Variants in ABCB9 observed in about 807,000 individuals in gnomAD.
The protein encoded by ABCB9 is ABC-type oligopeptide transporter ABCB9.
A neutral mutation model predicts 62.0 loss-of-function variants in ABCB9; 36 were observed. That is an observed-to-expected ratio of 0.58 (90% CI 0.45 to 0.77). ABCB9 has a LOEUF of 0.77. ABCB9 is among the 30% of genes least tolerant of loss of function. The pLI is 0.00. For missense variants in ABCB9, 943 were observed against 1,054.7 expected, an observed-to-expected ratio of 0.89 and a Z score of 1.47; for synonymous variants, 435 against 461.4, an observed-to-expected ratio of 0.94 and a Z score of 0.73.
chr12:122,939,347 A>G (rs150373143), intron 9 of ABCB9: 3 of 152,376 alleles, frequency 2.0e-5, no homozygotes, highest in Non-Finnish European at 4.4e-5. Context: ...TAATCCACAC[A>G]CCAATCACGA....
At chr12:122,924,343 T>A (rs2034830631), downstream of ABCB9, among the ~76,000 whole-genome samples, 1 of 152,214 alleles carries the variant, frequency 6.6e-6, no homozygotes, top group Non-Finnish European at 1.5e-5. Context: ...TTACGGCATA[T>A]CGAAGAGTTC....
At chr12:122,948,896 T>G in intron 4 of ABCB9, 67 bp from the exon 5 acceptor site, 61 of 1,315,744 alleles carry the variant, frequency 4.6e-5, no homozygotes, top group Non-Finnish European at 5.2e-5. Context: ...TGGGGGATGC[T>G]AAGGGGCCTC....
At chr12:122,939,934 G>A (rs1233512432) in intron 9 of ABCB9, 177 bp downstream of exon 9, 2 of 892,536 alleles carry the variant, frequency 2.2e-6, no homozygotes, top group Admixed American at 3.2e-5. Flanking sequence ...TTACAGGTGT[G>A]AGCCACCACG....
rs138175647 is a variant in ABCB9 at position 122,930,069 on chromosome 12, T to C, written c.2143A>G (p.Lys715Glu). 1.1e-3 allele frequency: 1,755 copies of C among 1,566,870 alleles called. No homozygotes were observed. Among genetic ancestry groups the C allele is most frequent in the Non-Finnish European group, 1.4e-3 (1,671 of 1,156,168 alleles). ...EHAHLIVVLD[K>E]GRVVQQGTHQ... ...GTGCCCTGCTGCACTACGCGGCCCTTGTCCAGCACCACAATGAGGTGCGCG... is the reference window on the plus strand; with the variant it reads ...GTGCCCTGCTGCACTACGCGGCCCTCGTCCAGCACCACAATGAGGTGCGCG... The change falls in exon 12 of 12, where the codon AAG (lysine) becomes GAG (glutamate). Residue 715 changes from lysine to glutamate, a missense_variant. Coordinates refer to ENST00000280560, the MANE Select transcript of ABCB9 (RefSeq NM_019625.4). The surrounding 1 kb of genome is among the most constrained non-coding windows in gnomAD (Gnocchi z 4.9).
At chr12:122,922,042 C>T (rs1217597498) in intron 11 of ABCB9, among the ~76,000 whole-genome samples, 2 of 151,978 alleles carry the variant, frequency 1.3e-5, no homozygotes, top group Admixed American at 6.6e-5. Context: ...GACGCCCGGC[C>T]GGCCGCTCAG....
Position 122,930,267 on chromosome 12 carries a change from T to C in ABCB9, c.2041-96A>G, listed in dbSNP as rs142259412. The stretch of plus-strand genomic sequence containing the variant: ...CCTATGGGCTGATGCTTAACCTCTC[T>C]GAGGCTCAGTTCACAAACGATGGCC... On this transcript the variant is annotated intron_variant, in intron 11 of 11. Coordinates refer to ENST00000280560, the MANE Select transcript of ABCB9 (RefSeq NM_019625.4). This position sits in a 1 kb window ranked among gnomAD's most constrained non-coding sequence, Gnocchi z 4.9. 8.0e-5 allele frequency: 99 copies of C among 1,244,464 alleles called. No homozygotes were observed. The highest frequency in any genetic ancestry group is 9.7e-5 in the Non-Finnish European group (89 of 913,994). 77.1% of individuals were successfully genotyped at this position (1,244,464 alleles called of 1,614,324 possible).
chr12:122,962,096 C>T (rs1320271650), intron 1 of ABCB9, among the ~76,000 whole-genome samples: 1 of 152,188 alleles, frequency 6.6e-6, no homozygotes, highest in Non-Finnish European at 1.5e-5. Context: ...GGCCCTCGTG[C>T]CCAGCCCTAG....
rs2037078460 is a variant in ABCB9 at position 122,964,621 on chromosome 12, T to C, written c.-88+1666A>G. 1.3e-5 allele frequency among the ~76,000 whole-genome samples: 2 copies of C among 152,254 alleles called. No individual in the cohort carries two copies. Among genetic ancestry groups the C allele is most frequent in the African/African-American group, 4.8e-5 (2 of 41,476 alleles). On this transcript the variant is annotated intron_variant, in intron 1 of 11. Transcript: ENST00000280560. The surrounding 1 kb of genome is among the most constrained non-coding windows in gnomAD (Gnocchi z 4.7). ...CAGAAGCGTGACCACCAGCCAAGGC[T>C]GCTTAGAGGCCTGTCACCGCTCTCC...
rs375324511 is a variant in ABCB9, at chr12:122,940,320, G to A, written c.1570-36C>T. 1.2e-5 allele frequency: 18 copies of A among 1,528,192 alleles called. No individual in the cohort carries two copies. The highest frequency in any genetic ancestry group is 5.5e-5 in the African/African-American group (4 of 72,526). The allele number at this position is 1,528,192 out of a possible 1,614,324, so 94.7% of individuals were successfully genotyped here. On this transcript the variant is annotated intron_variant, in intron 8 of 11. Transcript: ENST00000280560. The surrounding 1 kb of genome is among the most constrained non-coding windows in gnomAD (Gnocchi z 4.8). ...CACACAGGCACAGTGCGGGGTTATC[G>A]GCTCAGGTCCCAGGACTGGATGCCC...
At chr12:122,927,929 ACTTAACCCCCTCTGC>A (rs1024198631), downstream of ABCB9, among the ~76,000 whole-genome samples, 1 of 152,230 alleles carries the variant, frequency 6.6e-6, no homozygotes, top group African/African-American at 2.4e-5. Flanking sequence ...GTCTCTGAAA[ACTTAACCCCCTCTGC>A]TTCCTAAAAT....
chr12:122,972,037 C>CTTTTTTTTTTTTTTTTTTTTTTTTT (rs57112984), intron 1 of ABCB9, among the ~76,000 whole-genome samples: 1 of 99,270 alleles, frequency 1.0e-5, no homozygotes, highest in Non-Finnish European at 1.9e-5. Context: ...TTCATAATGT[C>CTTTTTTTTTTTTTTTTTTTTTTTTT]TTTTTTTTTT....
chr12:122,950,077 C>G (rs760710123), intron 3 of ABCB9, among the ~76,000 whole-genome samples, 159 bp from the exon 4 acceptor site: 3 of 152,146 alleles, frequency 2.0e-5, no homozygotes, highest in Non-Finnish European at 4.4e-5. Context: ...GTGGGAGCCC[C>G]CCTCAAGGTG....
At chr12:122,933,340 G>A (rs1337264981) in intron 10 of ABCB9, among the ~76,000 whole-genome samples, 1 of 152,178 alleles carries the variant, frequency 6.6e-6, no homozygotes, top group Admixed American at 6.5e-5. Flanking sequence ...GGGTCACAAG[G>A]TCAGGAGATT....
rs543749821 is a variant in ABCB9 at position 122,964,170 on chromosome 12, G to A, written c.-88+2117C>T. Among the ~76,000 whole-genome samples, 213 of 152,282 alleles carry A rather than the reference G, an allele frequency of 1.4e-3. No homozygotes were observed. Among genetic ancestry groups the A allele is most frequent in the African/African-American group, 4.6e-3 (191 of 41,550 alleles). On this transcript the variant is annotated intron_variant, in intron 1 of 11. Coordinates refer to ENST00000280560, the MANE Select transcript of ABCB9 (RefSeq NM_019625.4). The surrounding 1 kb of genome is among the most constrained non-coding windows in gnomAD (Gnocchi z 4.7). ...GGGGCTCGGGCTCAGAAGTGGAACA[G>A]GAGGCAGATCCGCAAGAGACTCAAA...
In ABCB9 at chr12:122,949,844, C is replaced by T; in HGVS notation, c.791G>A (p.Cys264Tyr). 1 of 1,614,220 alleles carries T rather than the reference C, an allele frequency of 6.2e-7. No individual in the cohort carries two copies. ...CTGGGACACCAGTGAGCGGAAGAGA[C>T]AGTTTCGAAGGCGAATGTTCAGTCT... ...FARLNIRLRN[C>Y]LFRSLVSQET... Residue 264 changes from cysteine to tyrosine, a missense_variant, in exon 4 of 12, where the codon TGT (cysteine) becomes TAT (tyrosine). By Grantham distance (194) the Cys-to-Tyr change is radical (BLOSUM62 -2). Transcript: ENST00000280560.
intron 2 of ABCB9, among the ~76,000 whole-genome samples, chr12:122,956,526 A>T (rs2135894863): frequency 6.6e-6 from 1 of 152,068 alleles, no homozygotes; most frequent in East Asian, 1.9e-4. Flanking sequence ...CTATTTTATT[A>T]TTTATGTTTT....
chr12:122,925,735 G>A (rs983571153), downstream of ABCB9, among the ~76,000 whole-genome samples: 5 of 152,172 alleles, frequency 3.3e-5, no homozygotes, highest in East Asian at 1.9e-4. Flanking sequence ...GCGACAGAGC[G>A]AGACTCCGTC....
intron 2 of ABCB9, chr12:122,951,601 C>G (rs2036371025): frequency 6.6e-6 from 1 of 152,158 alleles, no homozygotes; most frequent in Non-Finnish European, 1.5e-5. Context: ...AAGTTGATTT[C>G]ATTCTTCTCA....
chr12:122,927,172 A>G (rs1191110752), downstream of ABCB9, among the ~76,000 whole-genome samples: 1 of 151,966 alleles, frequency 6.6e-6, no homozygotes, highest in Non-Finnish European at 1.5e-5. Context: ...TTATTTCAAA[A>G]TTAAACTTTT....
Sources: allele counts gnomAD v4.1 joint callset (sites outside exome capture counted in the v4.1 genomes callset), GRCh38; gene constraint gnomAD v4.1.1; non-coding constraint Gnocchi (gnomAD v3.1); transcripts MANE v1.5; gene names NCBI Gene and HGNC (gene_info 2026-07-23, HGNC 2026-07-21).